Variants in MAGI2 observed in about 807,000 individuals in gnomAD.
The protein encoded by MAGI2 is membrane-associated guanylate kinase, WW and PDZ domain-containing protein 2.
MAGI2 carries 35 observed loss-of-function variants against 133.3 expected under a neutral mutation model. The observed-to-expected ratio is 0.26, with a 90% confidence interval of 0.20 to 0.35. MAGI2 has a LOEUF of 0.35. MAGI2 is among the 10% of genes least tolerant of loss of function. The pLI is 1.00. For missense variants in MAGI2, 1,636 were observed against 1,863.4 expected, an observed-to-expected ratio of 0.88 and a Z score of 2.25; for synonymous variants, 729 against 710.6, an observed-to-expected ratio of 1.03 and a Z score of -0.41.
chr7:78,399,650 CAA>C (rs1796667685), intron 6 of MAGI2, among the ~76,000 whole-genome samples: 2 of 151,800 alleles, frequency 1.3e-5, no homozygotes, highest in Non-Finnish European at 2.9e-5. Context: ...ACTAAAAATA[CAA>C]AAATTAGCTA....
intron 1 of MAGI2, among the ~76,000 whole-genome samples, chr7:79,290,552 C>G (rs1286576450): frequency 6.6e-6 from 1 of 152,018 alleles, no homozygotes; most frequent in African/African-American, 2.4e-5. Flanking sequence ...ATGTTCACCT[C>G]AAATTTGCTT....
At chr7:78,668,220 G>T (rs1319012704) in intron 2 of MAGI2, among the ~76,000 whole-genome samples, 4 of 152,064 alleles carry the variant, frequency 2.6e-5, no homozygotes, top group Admixed American at 6.6e-5. Flanking sequence ...CATGTCCTTC[G>T]CCCACTTTTT....
intron 21 of MAGI2, among the ~76,000 whole-genome samples, chr7:78,045,471 GGAAAA>G (rs1367746746): frequency 2.6e-5 from 4 of 152,010 alleles, no homozygotes; most frequent in Non-Finnish European, 4.4e-5. Context: ...TCTAGGGAAA[GGAAAA>G]GAATACCTGA....
chr7:78,185,595 G>A (rs1827609182), intron 13 of MAGI2, 34 bp downstream of exon 13: 1 of 1,505,064 alleles, frequency 6.6e-7, no homozygotes, highest in Non-Finnish European at 9.0e-7. Flanking sequence ...AAGACGTTTT[G>A]TTCACAGAAC....
intron 20 of MAGI2, among the ~76,000 whole-genome samples, chr7:78,117,649 A>G (rs143053824): frequency 6.5e-4 from 99 of 152,226 alleles, no homozygotes; most frequent in Non-Finnish European, 1.2e-3. Context: ...TCTATTCAGC[A>G]TCATACAGTA....
At chr7:78,380,791 T>C (rs2151291052) in intron 6 of MAGI2, among the ~76,000 whole-genome samples, 1 of 152,194 alleles carries the variant, frequency 6.6e-6, no homozygotes, top group East Asian at 1.9e-4. Flanking sequence ...ATATCCCGTT[T>C]ATCCTCACGA....
chr7:78,540,772 A>G (rs773729479), intron 3 of MAGI2, among the ~76,000 whole-genome samples: 3 of 152,124 alleles, frequency 2.0e-5, no homozygotes, highest in African/African-American at 4.8e-5. Context: ...GGGAGTGCCT[A>G]CAGGACTCTC....
intron 9 of MAGI2, among the ~76,000 whole-genome samples, chr7:78,291,445 T>C (rs914758802): frequency 6.6e-6 from 1 of 152,028 alleles, no homozygotes; most frequent in East Asian, 1.9e-4. Context: ...AATTAATAGC[T>C]TACCAACCAA....
intron 1 of MAGI2, among the ~76,000 whole-genome samples, chr7:79,083,055 A>G (rs895266467): frequency 6.6e-6 from 1 of 151,292 alleles, no homozygotes; most frequent in African/African-American, 2.4e-5. Flanking sequence ...TTCACTTGTT[A>G]TTTCTAATCA....
At chr7:79,188,341 T>C (rs1827347514) in intron 1 of MAGI2, among the ~76,000 whole-genome samples, 1 of 151,822 alleles carries the variant, frequency 6.6e-6, no homozygotes, top group Non-Finnish European at 1.5e-5. Context: ...GTGTTCTCAT[T>C]GTTCAGCTCC....
At chr7:78,522,314 T>A (rs73141117) in intron 3 of MAGI2, among the ~76,000 whole-genome samples, 1 of 152,210 alleles carries the variant, frequency 6.6e-6, no homozygotes, top group East Asian at 1.9e-4. Flanking sequence ...AGAATCATTC[T>A]TATTTATTCC....
chr7:79,406,459 G>T (rs534139344), intron 1 of MAGI2, among the ~76,000 whole-genome samples: 1 of 152,082 alleles, frequency 6.6e-6, no homozygotes, highest in Non-Finnish European at 1.5e-5. Context: ...TATTTTCTAG[G>T]CAGTCATTGC....
chr7:79,293,863 G>A (rs933007863), intron 1 of MAGI2, among the ~76,000 whole-genome samples: 2 of 152,164 alleles, frequency 1.3e-5, no homozygotes, highest in Non-Finnish European at 1.5e-5. Flanking sequence ...AACCACCAAC[G>A]CCTTCAAACA....
Position 78,160,324 on chromosome 7 carries a change from T to G in MAGI2, c.2597-51A>C, listed in dbSNP as rs375773901. 1.2e-5 allele frequency: 18 copies of G among 1,515,912 alleles called. No individual in the cohort carries two copies. The African/African-American group carries it at 2.2e-4, about 19-fold the overall frequency. The allele number at this position is 1,515,912 out of a possible 1,614,324, so 93.9% of individuals were successfully genotyped here. A position where few individuals can be genotyped will look rare whatever the true frequency, so the allele number is the denominator to read the frequency against. ...ATCAATTACCTTACAAGGGTCTCAA[T>G]GAATGCTTCCTATGTACTAGGCACT... On this transcript the variant is annotated intron_variant, in intron 15 of 21. Coordinates refer to ENST00000354212, the MANE Select transcript of MAGI2 (RefSeq NM_012301.4).
At chr7:78,994,162 C>G (rs925790555) in intron 2 of MAGI2, among the ~76,000 whole-genome samples, 2 of 151,960 alleles carry the variant, frequency 1.3e-5, no homozygotes, top group African/African-American at 4.8e-5. Flanking sequence ...TACACTGAGT[C>G]TCAAGTGACA....
At chr7:78,533,552 A>ATGACCTTCTCAG in intron 3 of MAGI2, among the ~76,000 whole-genome samples, 1 of 152,196 alleles carries the variant, frequency 6.6e-6, no homozygotes, top group South Asian at 2.1e-4. Flanking sequence ...CCAGTATCTG[A>ATGACCTTCTCAG]GAAGGTACTA....
chr7:78,835,378 G>A (rs1008394237), intron 2 of MAGI2, among the ~76,000 whole-genome samples: 1 of 152,130 alleles, frequency 6.6e-6, no homozygotes, highest in Non-Finnish European at 1.5e-5. Context: ...AACAGATGTA[G>A]CATGTAATAT....
At position 78,343,942 on chromosome 7, in the gene MAGI2, C is replaced by T. The variant is rs1470111212; in HGVS notation, c.1244G>A (p.Arg415Gln). 9.9e-6 allele frequency: 16 copies of T among 1,608,184 alleles called. No individual in the cohort carries two copies. The highest frequency in any genetic ancestry group is 9.0e-5 in the East Asian group (4 of 44,692). Residue 415 changes from arginine to glutamine, a missense_variant, in exon 9 of 22, where the codon CGG becomes CAG. Physicochemically the swap from Arg to Gln is conservative, Grantham distance 43. Transcript: ENST00000354212. ...TGTTCCCTTCAACTGGGATGCATCC[C>T]GGGTGAAGAGTGGTTTTTCTACATT... ...PGFREKPLFT[R>Q]DASQLKGTFL... is the part of the protein sequence containing the mutation.
chr7:78,266,310 C>T (rs910030542), intron 9 of MAGI2, among the ~76,000 whole-genome samples: 2 of 152,162 alleles, frequency 1.3e-5, no homozygotes, highest in Non-Finnish European at 2.9e-5. Flanking sequence ...AACTGATCCT[C>T]CCACCTCAGC....
Sources: allele counts gnomAD v4.1 joint callset (sites outside exome capture counted in the v4.1 genomes callset), GRCh38; gene constraint gnomAD v4.1.1; transcripts MANE v1.5; gene names NCBI Gene and HGNC (gene_info 2026-07-23, HGNC 2026-07-21).